KCNIP4: variants seen among roughly 807,000 people sequenced by gnomAD.
KCNIP4 encodes potassium voltage-gated channel interacting protein 4, also known as Kv channel-interacting protein 4.
KCNIP4 carries 12 observed loss-of-function variants against 34.0 expected under a neutral mutation model. The observed-to-expected ratio is 0.35, with a 90% CI of 0.23 to 0.57. The LOEUF (loss-of-function observed/expected upper bound fraction) is 0.57, where lower values mean the gene tolerates loss of function less well. Ranked by LOEUF, KCNIP4 falls within the 20% of genes least tolerant of loss-of-function variation. The pLI, the probability that KCNIP4 is intolerant of heterozygous loss-of-function variation, is 0.83. For missense variants in KCNIP4, 238 were observed against 311.7 expected (o/e 0.76, Z 1.78); for synonymous variants, 124 against 102.2 (o/e 1.21, Z -1.29).
chr4:20,987,999 T>TAAAAAAAAAAAAAAAAA (rs1736735200), intron 1 of KCNIP4, among the ~76,000 whole-genome samples: 1 of 28,580 alleles, frequency 3.5e-5, no homozygotes, highest in Non-Finnish European at 5.3e-5. Context: ...AGATTCCATC[T>TAAAAAAAAAAAAAAAAA]CAAAAAAAAA....
At chr4:20,928,737 A>C (rs769235423) in intron 1 of KCNIP4, among the ~76,000 whole-genome samples, 2 of 151,984 alleles carry the variant, frequency 1.3e-5, no homozygotes, top group Non-Finnish European at 2.9e-5. Flanking sequence ...AAAAGACTCA[A>C]ATAAATAAAA....
At chr4:21,291,305 T>TCTTTTCTACATATTTTCAAA (rs1763443174) in intron 1 of KCNIP4, among the ~76,000 whole-genome samples, 1 of 151,100 alleles carries the variant, frequency 6.6e-6, no homozygotes, top group Non-Finnish European at 1.5e-5. Context: ...TGTGTATGTG[T>TCTTTTCTACATATTTTCAAA]GTGGAGTGTG....
chr4:21,238,294 G>A (rs1419555884), intron 1 of KCNIP4, among the ~76,000 whole-genome samples: 1 of 152,094 alleles, frequency 6.6e-6, no homozygotes, highest in African/African-American at 2.4e-5. Flanking sequence ...GCAAAAACTG[G>A]AAGCATTCCC....
At chr4:21,116,007 G>A (rs181224525) in intron 1 of KCNIP4, among the ~76,000 whole-genome samples, 28 of 152,246 alleles carry the variant, frequency 1.8e-4, no homozygotes, top group Non-Finnish European at 3.7e-4. Context: ...AACAGTGAAG[G>A]CGATGGTTTC....
chr4:20,858,207 A>C (rs975191960), intron 2 of KCNIP4, among the ~76,000 whole-genome samples: 4 of 113,024 alleles, frequency 3.5e-5, no homozygotes, highest in African/African-American at 1.4e-4. Context: ...GTGAAACTCC[A>C]TCTCAAAAAA....
chr4:21,704,851 A>G (rs534603923), intron 1 of KCNIP4, among the ~76,000 whole-genome samples: 3 of 152,230 alleles, frequency 2.0e-5, no homozygotes, highest in South Asian at 4.1e-4. Flanking sequence ...AAACCTAGCA[A>G]TTGTACTCCA....
chr4:21,432,186 T>C (rs2109670532), intron 1 of KCNIP4, among the ~76,000 whole-genome samples: 1 of 134,466 alleles, frequency 7.4e-6, no homozygotes, highest in South Asian at 2.5e-4. Context: ...AGTAACCTAA[T>C]TGTTTACTGG....
intron 1 of KCNIP4, among the ~76,000 whole-genome samples, chr4:21,217,466 C>T (rs375991207): frequency 1.3e-4 from 20 of 152,078 alleles, no homozygotes; most frequent in African/African-American, 3.4e-4. Context: ...ATTTGAGAAA[C>T]GACTATCAAA....
At chr4:21,591,001 C>T (rs56347727) in intron 1 of KCNIP4, among the ~76,000 whole-genome samples, 1,624 of 151,418 alleles carry the variant, frequency 0.011, 29 homozygotes, top group African/African-American at 0.038. Flanking sequence ...AACACTATAC[C>T]TTGTCAAGAG....
intron 1 of KCNIP4, among the ~76,000 whole-genome samples, chr4:21,912,953 G>C (rs1190619135): frequency 6.6e-6 from 1 of 151,958 alleles, no homozygotes; most frequent in East Asian, 1.9e-4. Flanking sequence ...ATCATGTAGA[G>C]AGTAAACTGA....
At position 21,438,817 on chromosome 4, in the gene KCNIP4, GA is replaced by G. The variant is rs546979465; in HGVS notation, c.61+509753del. Among the ~76,000 whole-genome samples the G allele has an allele frequency of 4.3e-4, 65 of 152,184 alleles. No homozygotes were observed. The South Asian group carries it at 0.013, about 31-fold the overall frequency. The stretch of plus-strand genomic sequence containing the variant: ...TTGCTTTAAAAAAACAATTTCAGGA[GA>G]ATTTCAGGGGTACAGCCAAGTTATA... On this transcript the variant is annotated intron_variant, in intron 1 of 8. Coordinates refer to ENST00000382152, the MANE Select transcript of KCNIP4 (RefSeq NM_025221.6).
chr4:21,350,255 A>G (rs1717877431), intron 1 of KCNIP4, among the ~76,000 whole-genome samples: 1 of 152,112 alleles, frequency 6.6e-6, no homozygotes, highest in African/African-American at 2.4e-5. Context: ...ATCATTCAGC[A>G]ACGTCTTTTA....
intron 2 of KCNIP4, among the ~76,000 whole-genome samples, chr4:20,875,533 T>C (rs1723927023): frequency 6.6e-6 from 1 of 152,206 alleles, no homozygotes; most frequent in South Asian, 2.1e-4. Context: ...ATGACACTTT[T>C]AGGGCTTAAA....
At chr4:21,444,177 T>A (rs1023230966) in intron 1 of KCNIP4, among the ~76,000 whole-genome samples, 1 of 152,178 alleles carries the variant, frequency 6.6e-6, no homozygotes, top group East Asian at 1.9e-4. Flanking sequence ...TGGATTCACA[T>A]CCGAATTCTA....
intron 1 of KCNIP4, among the ~76,000 whole-genome samples, chr4:21,055,802 T>C (rs995248177): frequency 1.3e-5 from 2 of 152,174 alleles, no homozygotes; most frequent in Admixed American, 6.6e-5. Flanking sequence ...GATAAACAGG[T>C]GACACACAGA....
At chr4:21,010,776 C>T (rs966420083) in intron 1 of KCNIP4, among the ~76,000 whole-genome samples, 8 of 152,136 alleles carry the variant, frequency 5.3e-5, no homozygotes, top group African/African-American at 1.9e-4. Context: ...TATTGAAACA[C>T]AAGATATATT....
intron 1 of KCNIP4, among the ~76,000 whole-genome samples, chr4:21,653,498 G>A (rs1373760320): frequency 6.6e-6 from 1 of 151,806 alleles, no homozygotes; most frequent in African/African-American, 2.4e-5. Context: ...CATAATCGTG[G>A]GTATACAAAC....
intron 1 of KCNIP4, among the ~76,000 whole-genome samples, chr4:21,366,511 A>C (rs1202986036): frequency 2.0e-5 from 3 of 152,222 alleles, no homozygotes; most frequent in African/African-American, 7.2e-5. Flanking sequence ...AGTAATTGCC[A>C]GAGTAGAACA....
chr4:21,032,909 C>T (rs955685635), intron 1 of KCNIP4, among the ~76,000 whole-genome samples: 8 of 152,094 alleles, frequency 5.3e-5, no homozygotes, highest in African/African-American at 1.7e-4. Context: ...CAGAGACTCA[C>T]CTCCCTACCT....
Sources: gnomAD v4.1 joint callset for allele counts (sites outside exome capture counted in the v4.1 genomes callset) on GRCh38, gnomAD v4.1.1 for gene constraint, MANE v1.5 for transcripts, NCBI Gene and HGNC (gene_info 2026-07-23, HGNC 2026-07-21) for gene names.